The following CENPP variants were observed in gnomAD, a reference collection of about 807,000 sequenced individuals.
The protein encoded by CENPP is centromere protein P.
Under a neutral mutation model 35.6 loss-of-function variants are expected in CENPP, and 24 were observed. The ratio of observed to expected loss-of-function variants is 0.67; its 90% confidence interval spans 0.49 to 0.95. The LOEUF (loss-of-function observed/expected upper bound fraction) is 0.95. CENPP is among the 40% of genes least tolerant of loss of function. The pLI is 0.00. For missense variants in CENPP, 332 were observed against 345.3 expected, an observed-to-expected ratio of 0.96 and a Z score of 0.31; for synonymous variants, 120 against 125.5, an observed-to-expected ratio of 0.96 and a Z score of 0.29.
At chr9:92,385,812 A>C in intron 5 of CENPP, 1 of 1,613,306 alleles carries the variant, frequency 6.2e-7, no homozygotes, top group East Asian at 2.2e-5. Context: ...CGAGGAAAAC[A>C]TTGTTCAGAA....
At chr9:92,480,312 CT>C (rs891739982) in intron 5 of CENPP, among the ~76,000 whole-genome samples, 8 of 152,316 alleles carry the variant, frequency 5.3e-5, no homozygotes, top group Non-Finnish European at 7.3e-5. Flanking sequence ...GTCTTTGAGA[CT>C]TTCCCCCCAT....
At chr9:92,361,054 G>C (rs1191526736) in intron 4 of CENPP, among the ~76,000 whole-genome samples, 1 of 151,902 alleles carries the variant, frequency 6.6e-6, no homozygotes, top group African/African-American at 2.4e-5. Context: ...TTGATATGGA[G>C]CCTTTTTAGG....
intron 5 of CENPP, chr9:92,416,860 A>G: frequency 3.1e-6 from 5 of 1,614,030 alleles, no homozygotes; most frequent in Non-Finnish European, 4.2e-6. Flanking sequence ...ACATAAGTGA[A>G]GAAGGCAAAC....
intron 3 of CENPP, among the ~76,000 whole-genome samples, chr9:92,344,531 T>C (rs1200399098): frequency 6.6e-6 from 1 of 152,048 alleles, no homozygotes; most frequent in Non-Finnish European, 1.5e-5. Flanking sequence ...ACAAGTTTAT[T>C]ATTTATTTTT....
intron 5 of CENPP, among the ~76,000 whole-genome samples, chr9:92,518,081 G>A (rs1451283321): frequency 6.6e-6 from 1 of 152,140 alleles, no homozygotes; most frequent in Non-Finnish European, 1.5e-5. Flanking sequence ...CTTTCACGTA[G>A]GCTCTAAGAG....
intron 5 of CENPP, among the ~76,000 whole-genome samples, chr9:92,473,639 A>C (rs1845606669): frequency 6.6e-6 from 1 of 152,210 alleles, no homozygotes; most frequent in South Asian, 2.1e-4. Context: ...TTCTCATGAG[A>C]ATTCCACAGG....
At chr9:92,379,718 T>C (rs776564796) in intron 4 of CENPP, 45 bp from the exon 5 acceptor site, 2 of 1,391,636 alleles carry the variant, frequency 1.4e-6, no homozygotes, top group Non-Finnish European at 2.0e-6. Context: ...ATTGGGTCTA[T>C]CATTTAATGA....
chr9:92,425,758 G>A (rs1259562926), intron 5 of CENPP, among the ~76,000 whole-genome samples: 10 of 152,194 alleles, frequency 6.6e-5, no homozygotes, highest in Non-Finnish European at 1.2e-4. Flanking sequence ...TATGAAAAAC[G>A]TGGCAGACCA....
chr9:92,540,435 CAA>C (rs35325216), intron 5 of CENPP, among the ~76,000 whole-genome samples: 20 of 117,626 alleles, frequency 1.7e-4, no homozygotes, highest in Non-Finnish European at 1.5e-4. Flanking sequence ...GAGACTGTCT[CAA>C]AAAAAAAAAA....
intron 5 of CENPP, among the ~76,000 whole-genome samples, chr9:92,390,489 C>T (rs759009348): frequency 6.6e-6 from 1 of 151,992 alleles, no homozygotes; most frequent in Non-Finnish European, 1.5e-5. Context: ...CTCTCTATGC[C>T]TTATCGCTTA....
chr9:92,597,755 A>G (rs1196469078), intron 5 of CENPP, among the ~76,000 whole-genome samples: 2 of 152,234 alleles, frequency 1.3e-5, no homozygotes, highest in African/African-American at 4.8e-5. Flanking sequence ...TTCAAAGCTT[A>G]AAATTACTAC....
intron 5 of CENPP, among the ~76,000 whole-genome samples, chr9:92,567,369 G>GATATATATATATATATATATATATAT (rs888840109): frequency 1.9e-5 from 2 of 104,088 alleles, no homozygotes; most frequent in Admixed American, 9.7e-5. Context: ...AGTTACATAA[G>GATATATATATATATATATATATATAT]ATAGATATAT....
At chr9:92,399,691 A>T (rs1178067336) in intron 5 of CENPP, among the ~76,000 whole-genome samples, 1 of 152,160 alleles carries the variant, frequency 6.6e-6, no homozygotes, top group Non-Finnish European at 1.5e-5. Context: ...TTTTTGTGTA[A>T]GGTATGGACC....
At chr9:92,567,488 T>C (rs933345889) in intron 5 of CENPP, among the ~76,000 whole-genome samples, 59 of 150,696 alleles carry the variant, frequency 3.9e-4, no homozygotes, top group African/African-American at 1.4e-3. Flanking sequence ...ACATTCAGTA[T>C]CCTTCTAGCC....
At chr9:92,470,171 A>C (rs529216521) in intron 5 of CENPP, among the ~76,000 whole-genome samples, 3 of 152,328 alleles carry the variant, frequency 2.0e-5, no homozygotes, top group African/African-American at 7.2e-5. Flanking sequence ...AAATCCTAGA[A>C]TATTAAAATG....
intron 4 of CENPP, among the ~76,000 whole-genome samples, chr9:92,356,154 G>A (rs1010792493): frequency 6.6e-6 from 1 of 152,212 alleles, no homozygotes; most frequent in Non-Finnish European, 1.5e-5. Context: ...CAGCTGATAT[G>A]TGGAAGGATT....
chr9:92,441,885 A>T, intron 5 of CENPP, among the ~76,000 whole-genome samples: 1 of 152,140 alleles, frequency 6.6e-6, no homozygotes, highest in Middle Eastern at 3.2e-3. Context: ...CAAGTTGAAC[A>T]TTTGCTGGGT....
At chr9:92,533,328 A>AAAAAAAAAAAAAAAAAAAAATAT (rs1554683138) in intron 5 of CENPP, among the ~76,000 whole-genome samples, 1 of 38,332 alleles carries the variant, frequency 2.6e-5, no homozygotes, top group Non-Finnish European at 4.3e-5. Flanking sequence ...AAAAAAAAAA[A>AAAAAAAAAAAAAAAAAAAAATAT]ATATATATAT....
chr9:92,403,943 C>G (rs1466767647), intron 5 of CENPP, among the ~76,000 whole-genome samples: 1 of 152,024 alleles, frequency 6.6e-6, no homozygotes, highest in Non-Finnish European at 1.5e-5. Flanking sequence ...TCATTAACAC[C>G]TTTAGGTGGT....
Sources: allele counts gnomAD v4.1 joint callset (sites outside exome capture counted in the v4.1 genomes callset), GRCh38; gene constraint gnomAD v4.1.1; transcripts MANE v1.5; gene names NCBI Gene and HGNC (gene_info 2026-07-23, HGNC 2026-07-21).